The following VPS35L variants were observed in gnomAD, a reference collection of about 807,000 sequenced individuals.
The protein encoded by VPS35L is VPS35 endosomal protein-sorting factor-like.
In VPS35L, 83 loss-of-function variants were observed where a neutral mutation model predicts 133.0. That is an observed-to-expected ratio of 0.62 (90% confidence interval 0.52 to 0.75). The LOEUF is 0.75. VPS35L is among the 30% of genes least tolerant of loss of function. The pLI is 0.00. For synonymous variants in VPS35L, 423 were observed against 449.9 expected, an observed-to-expected ratio of 0.94 and a Z score of 0.76; for missense variants, 1,083 against 1,206.8, an observed-to-expected ratio of 0.90 and a Z score of 1.52.
chr16:19,624,534 G>A (rs1046252151), intron 14 of VPS35L, among the ~76,000 whole-genome samples: 2 of 152,054 alleles, frequency 1.3e-5, no homozygotes, highest in African/African-American at 2.4e-5. Context: ...CTGGTGAGCC[G>A]AGATCGCGTC....
At position 19,679,784 on chromosome 16, in the gene VPS35L, C is replaced by T. The variant is rs1007849143; in HGVS notation, c.2362-2441C>T. Among the ~76,000 whole-genome samples the T allele has an allele frequency of 2.0e-5, 3 of 152,166 alleles. 1 individual carries two copies. Among genetic ancestry groups the T allele is most frequent in the Non-Finnish European group, 4.4e-5 (3 of 68,042 alleles). On this transcript the variant is annotated intron_variant, in intron 27 of 30. Transcript: ENST00000417362. ...CCTTCTGAAGTGCTGGGATTACAGG[C>T]GTGAGCCACCGCTATCTAGCCCAGG...
intron 8 of VPS35L, among the ~76,000 whole-genome samples, chr16:19,599,472 T>C (rs1972315114): frequency 6.6e-6 from 1 of 152,130 alleles, no homozygotes; most frequent in Non-Finnish European, 1.5e-5. Context: ...CATTTCAGCA[T>C]GTATAAGGAT....
intron 14 of VPS35L, among the ~76,000 whole-genome samples, chr16:19,624,107 CTTTT>C (rs1182015325): frequency 1.5e-5 from 1 of 65,842 alleles, no homozygotes; most frequent in African/African-American, 6.1e-5. Context: ...CCTACCAGGT[CTTTT>C]TTTTTTTTTT....
chr16:19,587,303 T>C (rs1971897735), intron 7 of VPS35L: 2 of 451,288 alleles, frequency 4.4e-6, no homozygotes, highest in Non-Finnish European at 8.9e-6. Flanking sequence ...ACTATGTTTT[T>C]CTCTACTGAG....
In VPS35L at chr16:19,575,088, GTC is replaced by G. The variant is rs778098207; in HGVS notation, c.409-6_409-5del. 13 of 1,597,562 alleles carry G rather than the reference GTC, an allele frequency of 8.1e-6. No homozygotes were observed. The highest frequency in any genetic ancestry group is 1.1e-5 in the South Asian group (1 of 88,102). ...TTTTTAAAATATTAATGAATTTTAT[GTC>G]TCTGCAGAATCTGTTTATGGGATCT... On this transcript the variant is annotated splice_polypyrimidine_tract_variant and splice_region_variant and intron_variant, in intron 4 of 30. Transcript: ENST00000417362.
intron 12 of VPS35L, among the ~76,000 whole-genome samples, chr16:19,612,919 C>T (rs1008699482): frequency 6.6e-6 from 1 of 152,152 alleles, no homozygotes; most frequent in African/African-American, 2.4e-5. Flanking sequence ...AGTAGAGTGC[C>T]CTGCGTCTGT....
At chr16:19,616,597 C>T in intron 13 of VPS35L, 89 bp from the exon 14 acceptor site, 7 of 1,490,558 alleles carry the variant, frequency 4.7e-6, no homozygotes, top group Non-Finnish European at 5.5e-6. Context: ...CACATGCTTA[C>T]AAGTATGCAC....
intron 7 of VPS35L, among the ~76,000 whole-genome samples, chr16:19,586,443 G>A (rs1490122663): frequency 6.6e-6 from 1 of 152,064 alleles, no homozygotes; most frequent in Non-Finnish European, 1.5e-5. Context: ...GGGTTCCACC[G>A]ATTCTCGTAC....
At position 19,617,240 on chromosome 16, in the gene VPS35L, C is replaced by T. The variant is rs1972925734; in HGVS notation, c.1224+432C>T. 1.1e-5 allele frequency: 4 copies of T among 362,756 alleles called. No homozygotes were observed. The South Asian group carries it at 1.3e-4, about 12-fold the overall frequency. The allele number at this position is 362,756 out of a possible 1,614,324, so 22.5% of individuals were successfully genotyped here. On this transcript the variant is annotated intron_variant, in intron 14 of 30. Coordinates refer to ENST00000417362, the MANE Select transcript of VPS35L (RefSeq NM_020314.7). ...AGACACGGTGATATATGCCTATAGT[C>T]CCAGCTACTCAGGAGGCTGAGGTGG...
chr16:19,684,972 C>T (rs542521620), intron 28 of VPS35L, among the ~76,000 whole-genome samples: 9 of 151,456 alleles, frequency 5.9e-5, no homozygotes, highest in Admixed American at 2.6e-4. Flanking sequence ...GCAGGCGAAT[C>T]GCTTGAGCTC....
At chr16:19,564,326 C>T (rs1344462750) in intron 1 of VPS35L, among the ~76,000 whole-genome samples, 1 of 149,180 alleles carries the variant, frequency 6.7e-6, no homozygotes, top group Admixed American at 6.7e-5. Flanking sequence ...ATCCGCCTGC[C>T]TCGGCCTCCC....
chr16:19,559,525 C>CA (rs1970961867), intron 1 of VPS35L, among the ~76,000 whole-genome samples: 1 of 152,260 alleles, frequency 6.6e-6, no homozygotes. Flanking sequence ...AAAATGCCCA[C>CA]AAGAGGTCGC....
rs770873864 is a variant in VPS35L, at chr16:19,591,859, A to G, written c.709A>G (p.Ile237Val). 1.9e-6 allele frequency: 3 copies of G among 1,605,024 alleles called. No individual in the cohort carries two copies. The highest frequency in any genetic ancestry group is 1.3e-5 in the African/African-American group (1 of 74,758). ...YPSKFVLITDILDTFGKLVYE... is the reference protein window; with the variant it reads ...YPSKFVLITDVLDTFGKLVYE... ...AAGCAAATTTGTCCTTATCACCGAC[A>G]TACTTGATACATTTGGTAAGTACCT... is the stretch of plus-strand genomic sequence containing the variant. The change falls in exon 8 of 31, where the codon ATA (isoleucine) becomes GTA (valine). Residue 237 changes from isoleucine (I) to valine (V), a missense_variant. By Grantham distance (29) the Ile-to-Val change is conservative. Transcript: ENST00000417362.
chr16:19,568,807 G>A (rs776621912), intron 2 of VPS35L, among the ~76,000 whole-genome samples: 13 of 152,064 alleles, frequency 8.5e-5, no homozygotes, highest in Non-Finnish European at 1.6e-4. Context: ...CACCACACCT[G>A]GATTATTTTC....
At chr16:19,571,319 C>A (rs543720640) in intron 3 of VPS35L, among the ~76,000 whole-genome samples, 1 of 152,170 alleles carries the variant, frequency 6.6e-6, no homozygotes, top group African/African-American at 2.4e-5. Context: ...TGGGCTCGAA[C>A]AATCCCCCTG....
chr16:19,607,744 T>G (rs921373864), intron 9 of VPS35L: 40 of 158,208 alleles, frequency 2.5e-4, no homozygotes, highest in African/African-American at 9.6e-4. Flanking sequence ...TCATAGTGAC[T>G]GGTAGGTAAC....
chr16:19,684,885 C>T (rs1433981032), intron 28 of VPS35L, among the ~76,000 whole-genome samples: 1 of 152,028 alleles, frequency 6.6e-6, no homozygotes, highest in Non-Finnish European at 1.5e-5. Context: ...GGCGAAACCT[C>T]ATGTATACTA....
chr16:19,604,978 G>T (rs1389025391), intron 9 of VPS35L, among the ~76,000 whole-genome samples: 3 of 152,174 alleles, frequency 2.0e-5, no homozygotes, highest in Non-Finnish European at 4.4e-5. Context: ...GAGATAATTT[G>T]GGTTTATTGT....
chr16:19,640,552 A>G (rs1020756941), intron 21 of VPS35L, among the ~76,000 whole-genome samples: 2 of 152,226 alleles, frequency 1.3e-5, no homozygotes, highest in Admixed American at 1.3e-4. Flanking sequence ...CCGGTGCTAG[A>G]AAGGTTTTCA....
Sources: gnomAD v4.1 joint callset for allele counts (sites outside exome capture counted in the v4.1 genomes callset) on GRCh38, gnomAD v4.1.1 for gene constraint, MANE v1.5 for transcripts, NCBI Gene and HGNC (gene_info 2026-07-23, HGNC 2026-07-21) for gene names.